Variants in CTTNBP2 observed in about 807,000 individuals in gnomAD.
The protein encoded by CTTNBP2 is cortactin-binding protein 2.
CTTNBP2 carries 108 observed loss-of-function variants against 156.9 expected under a neutral mutation model. The ratio of observed to expected loss-of-function variants is 0.69; its 90% confidence interval spans 0.59 to 0.81. The LOEUF is 0.81. Among genes scored for constraint, CTTNBP2 ranks in the 30% least tolerant of loss-of-function variants. CTTNBP2 has a pLI of 0.00. For missense variants in CTTNBP2, 1,924 were observed against 2,035.4 expected (o/e 0.95, Z 1.05); for synonymous variants, 767 against 751.8 (o/e 1.02, Z -0.33).
chr7:117,806,015 A>G (rs531497112), intron 3 of CTTNBP2, among the ~76,000 whole-genome samples: 83 of 152,354 alleles, frequency 5.4e-4, no homozygotes, highest in Non-Finnish European at 9.8e-4. Context: ...CACAGTATAC[A>G]TAAATTATGG....
intron 19 of CTTNBP2, among the ~76,000 whole-genome samples, 177 bp downstream of exon 19, chr7:117,724,370 T>C (rs1794968918): frequency 6.6e-6 from 1 of 152,224 alleles, no homozygotes; most frequent in Admixed American, 6.5e-5. Flanking sequence ...AGAGATCTCC[T>C]GTATATTTTT....
chr7:117,842,181 T>C (rs964759036), intron 2 of CTTNBP2, among the ~76,000 whole-genome samples: 1 of 152,222 alleles, frequency 6.6e-6, no homozygotes, highest in Non-Finnish European at 1.5e-5. Flanking sequence ...TCAATTTTTC[T>C]ATAAAACTAA....
chr7:117,778,092 AAG>A, intron 7 of CTTNBP2, among the ~76,000 whole-genome samples: 1 of 152,354 alleles, frequency 6.6e-6, no homozygotes, highest in East Asian at 1.9e-4. Flanking sequence ...AATACTATGA[AAG>A]AGAATGAACT....
chr7:117,826,839 ATTATTATT>A (rs1357906209), intron 2 of CTTNBP2, among the ~76,000 whole-genome samples: 1 of 78,020 alleles, frequency 1.3e-5, no homozygotes, highest in Non-Finnish European at 2.7e-5. Flanking sequence ...TATTATTATT[ATTATTATT>A]ATTATTATTA....
intron 4 of CTTNBP2, among the ~76,000 whole-genome samples, chr7:117,786,910 G>T (rs1798731322): frequency 6.6e-6 from 1 of 151,708 alleles, no homozygotes; most frequent in Non-Finnish European, 1.5e-5. Flanking sequence ...CCACTCAAGG[G>T]TTTTCTTACA....
At chr7:117,830,588 T>TA in intron 2 of CTTNBP2, among the ~76,000 whole-genome samples, 1 of 152,296 alleles carries the variant, frequency 6.6e-6, no homozygotes, top group East Asian at 1.9e-4. Flanking sequence ...GCCAAATACA[T>TA]AGCCATTGGG....
At chr7:117,756,279 T>C (rs1410070536) in intron 12 of CTTNBP2, among the ~76,000 whole-genome samples, 6 of 152,174 alleles carry the variant, frequency 3.9e-5, no homozygotes, top group African/African-American at 2.4e-5. Context: ...ATCAAGTCCT[T>C]GTTAAAGGAA....
rs1800236547 is a variant in CTTNBP2, at chr7:117,810,898, C to G, written c.281G>C (p.Gly94Ala). The G allele has an allele frequency of 3.1e-6, 5 of 1,613,978 alleles. No homozygotes were observed. Among genetic ancestry groups the G allele is most frequent in the Non-Finnish European group, 4.2e-6 (5 of 1,179,992 alleles). ...TGGCTTCTTCTCTTTGTCACCAGCA[C>G]CTGCTTCATAGTCTCTCTGGAGTGC... is the stretch of plus-strand genomic sequence containing the variant. ...FLALQRDYEA[G>A]AGDKEKKPVC... The change falls in exon 3 of 23, where the codon GGT (glycine) becomes GCT (alanine). Residue 94 changes from glycine to alanine, a missense_variant. Coordinates refer to ENST00000160373, the MANE Select transcript of CTTNBP2 (RefSeq NM_033427.3).
chr7:117,790,569 TATAA>T (rs1225582755), intron 4 of CTTNBP2, among the ~76,000 whole-genome samples: 8 of 151,438 alleles, frequency 5.3e-5, no homozygotes, highest in Non-Finnish European at 1.2e-4. Context: ...AGAACAGATT[TATAA>T]ATATTCACAC....
Position 117,792,672 on chromosome 7 carries a change from A to G in CTTNBP2, c.524T>C (p.Val175Ala). The G allele has an allele frequency of 6.2e-7, 1 of 1,613,846 alleles. No individual in the cohort carries two copies. The highest frequency in any genetic ancestry group is 8.5e-7 in the Non-Finnish European group (1 of 1,179,972). Residue 175 changes from valine to alanine, a missense_variant, in exon 4 of 23, where the codon GTC becomes GCC. Coordinates refer to ENST00000160373, the MANE Select transcript of CTTNBP2 (RefSeq NM_033427.3). The surrounding 1 kb of genome is among the most constrained non-coding windows in gnomAD (Gnocchi z 4.2). ...GKNKQVVLML[V>A]KECKQLSGKV... ...GCCTGAGAGCTGCTTGCACTCTTTG[A>G]CCAGCATCAGGACCACCTGCTTGTT...
At chr7:117,822,742 A>T (rs1801042475) in intron 2 of CTTNBP2, among the ~76,000 whole-genome samples, 1 of 152,182 alleles carries the variant, frequency 6.6e-6, no homozygotes, top group Admixed American at 6.5e-5. Context: ...TTAAATTAAG[A>T]CTTGTTTTAT....
rs1257206432 is a variant in CTTNBP2, at chr7:117,710,747, TATCA to T, written c.*786_*789del. On this transcript the variant is annotated 3_prime_UTR_variant, in exon 23 of 23. Transcript: ENST00000160373. ...TTTTAGAAGTAACATTTGTAGAAAA[TATCA>T]ATATTATCAGTTGTGCTACTAGAAA... is the stretch of plus-strand genomic sequence containing the variant. 2 of 150,044 alleles carry T rather than the reference TATCA, an allele frequency of 1.3e-5. No individual in the cohort carries two copies. The highest frequency in any genetic ancestry group is 4.9e-5 in the African/African-American group (2 of 40,504). 9.3% of individuals were successfully genotyped at this position (150,044 alleles called of 1,614,324 possible). A position where few individuals can be genotyped will look rare whatever the true frequency, so the allele number is the denominator to read the frequency against.
In CTTNBP2 at chr7:117,853,820, C is replaced by T. The variant is rs34795222; in HGVS notation, c.189+7389G>A. Among the ~76,000 whole-genome samples, 645 of 152,252 alleles carry T rather than the reference C, an allele frequency of 4.2e-3. 5 individuals carry two copies. Among genetic ancestry groups the T allele is most frequent in the African/African-American group, 0.015 (617 of 41,544 alleles). ...CTTATTAATAATCAGCAGGCAAATG[C>T]TATGCAGTTACTTCATTTGCTTATT... On this transcript the variant is annotated intron_variant, in intron 2 of 22. Coordinates refer to ENST00000160373, the MANE Select transcript of CTTNBP2 (RefSeq NM_033427.3).
chr7:117,787,407 G>A (rs1798759505), intron 4 of CTTNBP2, among the ~76,000 whole-genome samples: 1 of 152,182 alleles, frequency 6.6e-6, no homozygotes, highest in Non-Finnish European at 1.5e-5. Flanking sequence ...AGAGGGTGGA[G>A]AAGGTTAATG....
In CTTNBP2 at chr7:117,773,659, A is replaced by ACACG. The variant is rs1351832887; in HGVS notation, c.2778+3851_2778+3852insCGTG. On this transcript the variant is annotated intron_variant, in intron 8 of 22. Coordinates refer to ENST00000160373, the MANE Select transcript of CTTNBP2 (RefSeq NM_033427.3). ...AGTTGCTTAGAGTTAACACACACAC[A>ACACG]CACACACACACACACACACACACAC... is the stretch of plus-strand genomic sequence containing the variant. Among the ~76,000 whole-genome samples the ACACG allele has an allele frequency of 5.5e-5, 6 of 108,498 alleles. No individual in the cohort carries two copies. The East Asian group carries it at 1.3e-3, about 23-fold the overall frequency. 71.2% of individuals were successfully genotyped at this position (108,498 alleles called of 152,430 possible).
intron 14 of CTTNBP2, among the ~76,000 whole-genome samples, chr7:117,744,999 G>C (rs570534913): frequency 6.6e-6 from 1 of 152,278 alleles, no homozygotes; most frequent in African/African-American, 2.4e-5. Context: ...CCCTTCCCCA[G>C]GGGTCTCTGT....
chr7:117,826,826 C>CATTATTATT (rs71984775), intron 2 of CTTNBP2, among the ~76,000 whole-genome samples: 3 of 140,250 alleles, frequency 2.1e-5, no homozygotes, highest in Non-Finnish European at 1.5e-5. Flanking sequence ...TTCTACTGAG[C>CATTATTATT]ATTATTATTA....
In CTTNBP2 at chr7:117,724,532, AC is replaced by A. The variant is rs1218520776; in HGVS notation, c.4447+14del. The A allele has an allele frequency of 1.9e-6, 3 of 1,592,668 alleles. No homozygotes were observed. The highest frequency in any genetic ancestry group is 1.4e-5 in the African/African-American group (1 of 73,852). ...CCACCTCCTGGTAGGCAACATGCCT[AC>A]CCCCGCCCTTTACCTTCAGTGCTTA... On this transcript the variant is annotated intron_variant, in intron 19 of 22. Coordinates refer to ENST00000160373, the MANE Select transcript of CTTNBP2 (RefSeq NM_033427.3).
chr7:117,739,824 A>G (rs1384439944), intron 14 of CTTNBP2, among the ~76,000 whole-genome samples: 1 of 152,216 alleles, frequency 6.6e-6, no homozygotes, highest in Admixed American at 6.5e-5. Flanking sequence ...GCAGGGCCCA[A>G]GGAGGTAAAC....
Sources: allele counts gnomAD v4.1 joint callset (sites outside exome capture counted in the v4.1 genomes callset), GRCh38; gene constraint gnomAD v4.1.1; non-coding constraint Gnocchi (gnomAD v3.1); transcripts MANE v1.5; gene names NCBI Gene and HGNC (gene_info 2026-07-23, HGNC 2026-07-21).